Variants in PTPRT observed in about 807,000 individuals in gnomAD.
The protein encoded by PTPRT is receptor-type tyrosine-protein phosphatase T.
Under a neutral mutation model 176.8 loss-of-function variants are expected in PTPRT, and 56 were observed. That is an observed-to-expected ratio of 0.32 (90% CI 0.26 to 0.40). PTPRT has a LOEUF of 0.40. Ranked by LOEUF, PTPRT falls within the 10% of genes least tolerant of loss-of-function variation. The pLI, the probability that PTPRT is intolerant of heterozygous loss-of-function variation, is 1.00. For synonymous variants in PTPRT, 783 were observed against 739.0 expected (o/e 1.06, Z -0.96); for missense variants, 1,540 against 1,908.2 (o/e 0.81, Z 3.60).
chr20:42,598,406 T>C (rs2073713859), intron 7 of PTPRT, among the ~76,000 whole-genome samples: 1 of 150,254 alleles, frequency 6.7e-6, no homozygotes, highest in Non-Finnish European at 1.5e-5. Flanking sequence ...ACAAAAGAGC[T>C]GTTTTTTAAA....
rs1397400199 is a variant in PTPRT at position 42,330,531 on chromosome 20, T to C, written c.1866-14535A>G. Among the ~76,000 whole-genome samples, 3 of 151,946 alleles carry C rather than the reference T, an allele frequency of 2.0e-5. No homozygotes were observed. In the East Asian group the frequency reaches 5.8e-4, roughly 30 times the overall value. On this transcript the variant is annotated intron_variant, in intron 11 of 30. Coordinates refer to ENST00000373187, the MANE Select transcript of PTPRT (RefSeq NM_007050.6). The stretch of plus-strand genomic sequence containing the variant: ...AATATCCACTAGCCAACAGCTCTAT[T>C]AGCTTATGTTAATAACTCAATTAAA...
chr20:43,109,773 C>T (rs527950614), intron 1 of PTPRT, among the ~76,000 whole-genome samples: 13 of 151,910 alleles, frequency 8.6e-5, no homozygotes, highest in African/African-American at 3.1e-4. Flanking sequence ...AAGTTAAGAC[C>T]CAAAGTGAGG....
chr20:42,770,464 G>A (rs533448362), intron 5 of PTPRT, among the ~76,000 whole-genome samples: 2 of 152,106 alleles, frequency 1.3e-5, no homozygotes, highest in Non-Finnish European at 2.9e-5. Flanking sequence ...AGTTCTATGT[G>A]TCGCCCTCTG....
chr20:42,597,943 A>G (rs1337392327), intron 7 of PTPRT, among the ~76,000 whole-genome samples: 1 of 151,996 alleles, frequency 6.6e-6, no homozygotes, highest in African/African-American at 2.4e-5. Context: ...AATCTTTGCC[A>G]TAGTAATCTC....
chr20:43,154,430 A>G (rs1301467372), intron 1 of PTPRT, among the ~76,000 whole-genome samples: 1 of 152,180 alleles, frequency 6.6e-6, no homozygotes, highest in East Asian at 1.9e-4. Flanking sequence ...AGCTATGTAC[A>G]GTATTTTGAA....
intron 1 of PTPRT, among the ~76,000 whole-genome samples, chr20:43,132,078 C>G (rs533381674): frequency 6.6e-6 from 1 of 152,066 alleles, no homozygotes; most frequent in South Asian, 2.1e-4. Context: ...GGGAAAAATG[C>G]TAGAAGTGTT....
chr20:43,044,493 C>T (rs150124315), intron 1 of PTPRT, among the ~76,000 whole-genome samples: 1 of 152,282 alleles, frequency 6.6e-6, no homozygotes, highest in African/African-American at 2.4e-5. Flanking sequence ...AAACAAACTT[C>T]ATAACGTACT....
chr20:42,214,803 A>G (rs895481606), intron 15 of PTPRT, among the ~76,000 whole-genome samples: 1 of 152,230 alleles, frequency 6.6e-6, no homozygotes, highest in Non-Finnish European at 1.5e-5. Context: ...CTCTGGGTAC[A>G]TGGCCATACT....
At chr20:42,513,445 G>C (rs1324831662) in intron 7 of PTPRT, among the ~76,000 whole-genome samples, 1 of 152,034 alleles carries the variant, frequency 6.6e-6, no homozygotes, top group African/African-American at 2.4e-5. Flanking sequence ...ATTAAGTCCA[G>C]AAGTTCACTG....
chr20:43,024,713 T>A (rs206159), intron 1 of PTPRT, among the ~76,000 whole-genome samples: 108,687 of 152,192 alleles, frequency 0.71, 40,492 homozygotes, highest in South Asian at 0.9. Context: ...TGGCCACTAT[T>A]CCATTGGGCC....
chr20:42,942,863 A>C (rs995459930), intron 1 of PTPRT, among the ~76,000 whole-genome samples: 1 of 152,236 alleles, frequency 6.6e-6, no homozygotes, highest in African/African-American at 2.4e-5. Flanking sequence ...GAAGTGTTCA[A>C]TAAATGTCTA....
At chr20:42,154,373 C>T (rs1344697187) in intron 17 of PTPRT, among the ~76,000 whole-genome samples, 1 of 152,138 alleles carries the variant, frequency 6.6e-6, no homozygotes, top group Non-Finnish European at 1.5e-5. Context: ...AGTTATACCC[C>T]ATTCAAAAGC....
chr20:42,354,269 A>C (rs1389300853), intron 9 of PTPRT, among the ~76,000 whole-genome samples: 1 of 152,158 alleles, frequency 6.6e-6, no homozygotes, highest in Admixed American at 6.5e-5. Context: ...GAGTTTTGCC[A>C]GTTTTTGCAC....
intron 2 of PTPRT, among the ~76,000 whole-genome samples, chr20:42,847,440 C>G (rs1470411828): frequency 6.6e-6 from 1 of 152,194 alleles, no homozygotes; most frequent in South Asian, 2.1e-4. Flanking sequence ...ACAGGCCAGC[C>G]TTTCAGGGCA....
In PTPRT at chr20:42,620,895, C is replaced by T. The variant is rs956182467; in HGVS notation, c.1153+56971G>A. On this transcript the variant is annotated intron_variant, in intron 7 of 30. Coordinates refer to ENST00000373187, the MANE Select transcript of PTPRT (RefSeq NM_007050.6). Reference sequence around the variant, plus strand: ...CTCAGATGGAAATGCAGAAAACACCCGTCTTCTGCATCGCTCACGCTGGGA... The same window carrying T: ...CTCAGATGGAAATGCAGAAAACACCTGTCTTCTGCATCGCTCACGCTGGGA... 6.6e-5 allele frequency among the ~76,000 whole-genome samples: 10 copies of T among 152,290 alleles called. No homozygotes were observed. In the South Asian group the frequency reaches 1.0e-3, roughly 16 times the overall value.
intron 7 of PTPRT, among the ~76,000 whole-genome samples, chr20:42,592,436 A>T (rs2073596619): frequency 6.6e-6 from 1 of 152,196 alleles, no homozygotes; most frequent in African/African-American, 2.4e-5. Flanking sequence ...ACAAAATGAA[A>T]GCATCAAGAA....
intron 8 of PTPRT, among the ~76,000 whole-genome samples, chr20:42,470,273 A>C (rs2071170171): frequency 6.6e-6 from 1 of 152,132 alleles, no homozygotes. Context: ...CCCATCCCAG[A>C]CCCTAACTGT....
At chr20:42,679,895 C>G (rs752995705) in intron 6 of PTPRT, among the ~76,000 whole-genome samples, 11 of 152,130 alleles carry the variant, frequency 7.2e-5, no homozygotes, top group Non-Finnish European at 1.3e-4. Flanking sequence ...TCTGTCTTAT[C>G]TCATGTTTTC....
intron 1 of PTPRT, among the ~76,000 whole-genome samples, chr20:43,180,383 C>T (rs1298929973): frequency 3.5e-5 from 5 of 141,130 alleles, no homozygotes. Context: ...GCCCCCACCT[C>T]CCTCCCTTCC....
Sources: allele counts gnomAD v4.1 joint callset (sites outside exome capture counted in the v4.1 genomes callset), GRCh38; gene constraint gnomAD v4.1.1; transcripts MANE v1.5; gene names NCBI Gene and HGNC (gene_info 2026-07-23, HGNC 2026-07-21).